ACTC1: variants seen among roughly 807,000 people sequenced by gnomAD.
ACTC1 encodes actin alpha cardiac muscle 1, also known as actin, alpha cardiac muscle 1.
ACTC1 carries 10 observed loss-of-function variants against 31.6 expected under a neutral mutation model. That is an observed-to-expected ratio of 0.32 (90% CI 0.19 to 0.54). The LOEUF is 0.54. Among genes scored for constraint, ACTC1 ranks in the 20% least tolerant of loss-of-function variants. The pLI is 0.95. For missense variants in ACTC1, 129 were observed against 506.4 expected (o/e 0.25, Z 7.15); for synonymous variants, 196 against 185.0 (o/e 1.06, Z -0.48).
intron 1 of ACTC1, among the ~76,000 whole-genome samples, chr15:34,795,199 T>C (rs1054609917): frequency 1.3e-5 from 2 of 151,996 alleles, no homozygotes; most frequent in African/African-American, 4.8e-5. Flanking sequence ...GCCATGCCTG[T>C]GCCCCAGATG....
In ACTC1 at chr15:34,792,655, G is replaced by C. The variant is rs961804653; in HGVS notation, c.455-86C>G. On this transcript the variant is annotated intron_variant, in intron 3 of 6. Coordinates refer to ENST00000290378, the MANE Select transcript of ACTC1 (RefSeq NM_005159.5). The surrounding 1 kb of genome is among the most constrained non-coding windows in gnomAD (Gnocchi z 5.3). ...CACGGCAAAGCCCGCTTCCAATCTTGGCTAAGAGATGCTAGCAATGGGCAT... is the reference window on the plus strand; with the variant it reads ...CACGGCAAAGCCCGCTTCCAATCTTCGCTAAGAGATGCTAGCAATGGGCAT... 1.5e-5 allele frequency: 22 copies of C among 1,459,532 alleles called. No individual in the cohort carries two copies. The highest frequency in any genetic ancestry group is 2.1e-5 in the Non-Finnish European group (22 of 1,043,408). 90.4% of individuals were successfully genotyped at this position (1,459,532 alleles called of 1,614,324 possible). A position where few individuals can be genotyped will look rare whatever the true frequency, so the allele number is the denominator to read the frequency against.
At chr15:34,794,197 G>T (rs1181023266) in intron 2 of ACTC1, among the ~76,000 whole-genome samples, 1 of 152,182 alleles carries the variant, frequency 6.6e-6, no homozygotes, top group Non-Finnish European at 1.5e-5. Context: ...CCTCTGTCAC[G>T]CCTGGCTTCT....
Position 34,795,431 on chromosome 15 carries a change from C to T in ACTC1, c.-23+75G>A, listed in dbSNP as rs528424665. 435 of 151,446 alleles carry T rather than the reference C, an allele frequency of 2.9e-3. 1 individual carries two copies. The highest frequency in any genetic ancestry group is 0.025 in the Middle Eastern group (7 of 278). 9.4% of individuals were successfully genotyped at this position (151,446 alleles called of 1,614,324 possible). On this transcript the variant is annotated intron_variant, in intron 1 of 6. Coordinates refer to ENST00000290378, the MANE Select transcript of ACTC1 (RefSeq NM_005159.5). ...AATGCGGGCCGGGCTGGCCAGGTGG[C>T]GGCGCGGGGCTGGCGTCCGGCGCGG...
chr15:34,790,624 G>C (rs1230061221), intron 6 of ACTC1, 69 bp from the exon 7 acceptor site: 1 of 1,580,150 alleles, frequency 6.3e-7, no homozygotes, highest in East Asian at 2.2e-5. Context: ...TAACACATTG[G>C]GAGGATTCAC....
At position 34,793,252 on chromosome 15, in the gene ACTC1, A is replaced by G. The variant is rs1315206069; in HGVS notation, c.447T>C (p.Arg149=). 18 of 1,613,970 alleles carry G rather than the reference A, an allele frequency of 1.1e-5. No individual in the cohort carries two copies. Among genetic ancestry groups the G allele is most frequent in the Non-Finnish European group, 1.4e-5 (17 of 1,179,986 alleles). ...CCCCAGAGCCCAGCATACCTGTGGT[A>G]CGGCCAGAAGCATACAGGGATAGCA... ...QAVLSLYASG[R]TTGIVLDSGD... is the part of the protein sequence containing the mutation. The change falls in exon 3 of 7, where the codon CGT becomes CGC. Residue 149 remains arginine, a synonymous_variant. Coordinates refer to ENST00000290378, the MANE Select transcript of ACTC1 (RefSeq NM_005159.5). The surrounding 1 kb of genome is among the most constrained non-coding windows in gnomAD (Gnocchi z 4.8).
Position 34,790,400 on chromosome 15 carries a change from A to G in ACTC1, c.*12T>C, listed in dbSNP as rs753155881. On this transcript the variant is annotated 3_prime_UTR_variant, in exon 7 of 7. Transcript: ENST00000290378. ...CATCCTGACTGGAAGGTAGATGGAGAGAGAAGGCATCTTAGAAGCATTTGC... is the reference window on the plus strand; with the variant it reads ...CATCCTGACTGGAAGGTAGATGGAGGGAGAAGGCATCTTAGAAGCATTTGC... The G allele has an allele frequency of 6.2e-7, 1 of 1,613,214 alleles. No homozygotes were observed. Among genetic ancestry groups the G allele is most frequent in the East Asian group, 2.2e-5 (1 of 44,902 alleles).
In ACTC1 at chr15:34,792,060, C is replaced by A; in HGVS notation, c.808+30G>T. The A allele has an allele frequency of 6.2e-7, 1 of 1,612,792 alleles. No individual in the cohort carries two copies. The highest frequency in any genetic ancestry group is 8.5e-7 in the Non-Finnish European group (1 of 1,179,282). On this transcript the variant is annotated intron_variant, in intron 5 of 6. Coordinates refer to ENST00000290378, the MANE Select transcript of ACTC1 (RefSeq NM_005159.5). This position sits in a 1 kb window ranked among gnomAD's most constrained non-coding sequence, Gnocchi z 5.3. ...AGACCCTAAGATTTCCAGGGAAAAT[C>A]GTGCCTCTGCACCAGACCCTACAAC...
rs1555418725 is a variant in ACTC1, at chr15:34,791,349, A to ACAT, written c.809-55_809-54insATG. On this transcript the variant is annotated intron_variant, in intron 5 of 6. Coordinates refer to ENST00000290378, the MANE Select transcript of ACTC1 (RefSeq NM_005159.5). ...CACACACACACACACACACACACAC[A>ACAT]CACATCACAGTGCATTCAGGTCAAG... 185 of 1,392,940 alleles carry ACAT rather than the reference A, an allele frequency of 1.3e-4. No individual in the cohort carries two copies. In the African/African-American group the frequency reaches 2.2e-3, roughly 17 times the overall value. 86.3% of individuals were successfully genotyped at this position (1,392,940 alleles called of 1,614,324 possible).
intron 1 of ACTC1, 122 bp downstream of exon 1, chr15:34,795,384 G>A: frequency 6.5e-6 from 1 of 152,750 alleles, no homozygotes; most frequent in Non-Finnish European, 1.5e-5. Context: ...TCGCAGAGCG[G>A]CAGGAGCTGG....
chr15:34,791,964 C>T (rs1253386232), intron 5 of ACTC1, 126 bp downstream of exon 5: 3 of 954,988 alleles, frequency 3.1e-6, no homozygotes, highest in African/African-American at 3.3e-5. Context: ...TGAGGTTGAG[C>T]TGTGTGGGAA....
rs1006819960 is a variant in ACTC1 at position 34,792,664 on chromosome 15, A to G, written c.455-95T>C. 27 of 1,294,340 alleles carry G rather than the reference A, an allele frequency of 2.1e-5. No homozygotes were observed. The highest frequency in any genetic ancestry group is 3.0e-5 in the Non-Finnish European group (27 of 896,380). 80.2% of individuals were successfully genotyped at this position (1,294,340 alleles called of 1,614,324 possible). A position where few individuals can be genotyped will look rare whatever the true frequency, so the allele number is the denominator to read the frequency against. ...GCCCGCTTCCAATCTTGGCTAAGAG[A>G]TGCTAGCAATGGGCATTGATCCAGA... is the stretch of plus-strand genomic sequence containing the variant. On this transcript the variant is annotated intron_variant, in intron 3 of 6. Coordinates refer to ENST00000290378, the MANE Select transcript of ACTC1 (RefSeq NM_005159.5). The surrounding 1 kb of genome is among the most constrained non-coding windows in gnomAD (Gnocchi z 5.3).
chr15:34,790,427 G>A lies in ACTC1; in HGVS notation c.1119C>T (p.His373=), dbSNP rs1208061059. Residue 373 remains histidine (H), a synonymous_variant, in exon 7 of 7, where the codon CAC becomes CAT. Coordinates refer to ENST00000290378, the MANE Select transcript of ACTC1 (RefSeq NM_005159.5). ...EYDEAGPSIV[H]RKCF is the part of the protein sequence containing the mutation. ...AGAAGGCATCTTAGAAGCATTTGCG[G>A]TGGACAATGGATGGGCCTGCCTCAT... 1 of 1,614,002 alleles carries A rather than the reference G, an allele frequency of 6.2e-7. No individual in the cohort carries two copies. The highest frequency in any genetic ancestry group is 8.5e-7 in the Non-Finnish European group (1 of 1,180,012).
rs1188200616 is a variant in ACTC1, at chr15:34,793,027, A to C, written c.454+218T>G. On this transcript the variant is annotated intron_variant, in intron 3 of 6. Coordinates refer to ENST00000290378, the MANE Select transcript of ACTC1 (RefSeq NM_005159.5). This position sits in a 1 kb window ranked among gnomAD's most constrained non-coding sequence, Gnocchi z 4.8. ...GCTACACTGCGCTGAGCTTTAAATG[A>C]GGGAAGGACCTATCTCCACAAGCTA... is the stretch of plus-strand genomic sequence containing the variant. 6.6e-6 allele frequency among the ~76,000 whole-genome samples: 1 copy of C among 152,192 alleles called. No individual in the cohort carries two copies. The highest frequency in any genetic ancestry group is 1.5e-5 in the Non-Finnish European group (1 of 68,042).
chr15:34,791,347 AC>A lies in ACTC1; in HGVS notation c.809-53del, dbSNP rs756470577. On this transcript the variant is annotated intron_variant, in intron 5 of 6. Coordinates refer to ENST00000290378, the MANE Select transcript of ACTC1 (RefSeq NM_005159.5). ...CACACACACACACACACACACACAC[AC>A]ACACATCACAGTGCATTCAGGTCAA... is the stretch of plus-strand genomic sequence containing the variant. The A allele has an allele frequency of 1.2e-4, 165 of 1,377,190 alleles. No homozygotes were observed. The African/African-American group carries it at 2.0e-3, about 17-fold the overall frequency. 85.3% of individuals were successfully genotyped at this position (1,377,190 alleles called of 1,614,324 possible). A position where few individuals can be genotyped will look rare whatever the true frequency, so the allele number is the denominator to read the frequency against.
Position 34,790,328 on chromosome 15 carries a change from A to G in ACTC1, c.*84T>C. 1 of 1,518,524 alleles carries G rather than the reference A, an allele frequency of 6.6e-7. No individual in the cohort carries two copies. The highest frequency in any genetic ancestry group is 9.1e-7 in the Non-Finnish European group (1 of 1,095,246). The allele number at this position is 1,518,524 out of a possible 1,614,324, so 94.1% of individuals were successfully genotyped here. A position where few individuals can be genotyped will look rare whatever the true frequency, so the allele number is the denominator to read the frequency against. ...AAACAAACTGTACAATGATTGATGA[A>G]AGATGAGGGAAGGTGGTTTGGAAGA... On this transcript the variant is annotated 3_prime_UTR_variant, in exon 7 of 7. Coordinates refer to ENST00000290378, the MANE Select transcript of ACTC1 (RefSeq NM_005159.5).
Position 34,792,796 on chromosome 15 carries a change from C to T in ACTC1, c.455-227G>A, listed in dbSNP as rs1485462762. On this transcript the variant is annotated intron_variant, in intron 3 of 6. Coordinates refer to ENST00000290378, the MANE Select transcript of ACTC1 (RefSeq NM_005159.5). The surrounding 1 kb of genome is among the most constrained non-coding windows in gnomAD (Gnocchi z 5.3). ...TAACTATTATAGTAGAAAAAATTCC[C>T]GAGGACACTTTCAAATGACCATCTT... The T allele has an allele frequency of 1.6e-5, 9 of 572,916 alleles. No homozygotes were observed. The highest frequency in any genetic ancestry group is 9.0e-5 in the Admixed American group (3 of 33,394). 35.5% of individuals were successfully genotyped at this position (572,916 alleles called of 1,614,324 possible).
chr15:34,795,335 C>T (rs1304097926), intron 1 of ACTC1, among the ~76,000 whole-genome samples, 171 bp downstream of exon 1: 2 of 143,510 alleles, frequency 1.4e-5, no homozygotes, highest in Admixed American at 1.4e-4. Context: ...AGAACCAAAT[C>T]AAAAAGTGTG....
rs1347224434 is a variant in ACTC1 at position 34,793,112 on chromosome 15, CT to C, written c.454+132del. The C allele has an allele frequency of 1.3e-5, 12 of 922,520 alleles. No individual in the cohort carries two copies. Among genetic ancestry groups the C allele is most frequent in the Non-Finnish European group, 2.0e-5 (12 of 595,616 alleles). 57.1% of individuals were successfully genotyped at this position (922,520 alleles called of 1,614,324 possible). A position where few individuals can be genotyped will look rare whatever the true frequency, so the allele number is the denominator to read the frequency against. ...CTCAGGGCACTACTGTTAACTCTTT[CT>C]CTTAGCACAGACCTTGCTAGGGAAT... On this transcript the variant is annotated intron_variant, in intron 3 of 6. Coordinates refer to ENST00000290378, the MANE Select transcript of ACTC1 (RefSeq NM_005159.5). The surrounding 1 kb of genome is among the most constrained non-coding windows in gnomAD (Gnocchi z 4.8).
intron 2 of ACTC1, among the ~76,000 whole-genome samples, chr15:34,794,478 G>C (rs148321492): frequency 6.6e-6 from 1 of 152,342 alleles, no homozygotes; most frequent in African/African-American, 2.4e-5. Context: ...CCTTTTAGAG[G>C]CGTGCCACTC....
Sources: allele counts gnomAD v4.1 joint callset (sites outside exome capture counted in the v4.1 genomes callset), GRCh38; gene constraint gnomAD v4.1.1; non-coding constraint Gnocchi (gnomAD v3.1); transcripts MANE v1.5; gene names NCBI Gene and HGNC (gene_info 2026-07-23, HGNC 2026-07-21).